The following NXPE4 variants were observed in gnomAD, a reference collection of about 807,000 sequenced individuals.
The protein encoded by NXPE4 is neurexophilin and PC-esterase domain family member 4, also known as NXPE family member 4.
In NXPE4, 42 loss-of-function variants were observed where a neutral mutation model predicts 33.3. That is an observed-to-expected ratio of 1.26 (90% CI 0.98 to 1.63). The LOEUF (loss-of-function observed/expected upper bound fraction) is 1.63. NXPE4 is among the 40% of genes most tolerant of loss of function. The pLI, the probability that NXPE4 is intolerant of heterozygous loss-of-function variation, is 0.00. For synonymous variants in NXPE4, 253 were observed against 234.9 expected, an observed-to-expected ratio of 1.08 and a Z score of -0.71; for missense variants, 709 against 647.6, an observed-to-expected ratio of 1.09 and a Z score of -1.03.
At chr11:114,659,444 G>GA in the NXPE4 span, among the ~76,000 whole-genome samples, 2 of 148,394 alleles carry the variant, frequency 1.3e-5, no homozygotes, top group African/African-American at 4.9e-5. Flanking sequence ...AAAAAAAAGA[G>GA]AAAAAAAGAG....
At chr11:114,604,861 C>G in the NXPE4 span, among the ~76,000 whole-genome samples, 5 of 149,404 alleles carry the variant, frequency 3.3e-5, no homozygotes, top group African/African-American at 1.2e-4. Context: ...CTGTTACCTG[C>G]TGGATAATAA....
At chr11:114,618,934 C>T in the NXPE4 span, among the ~76,000 whole-genome samples, 1 of 151,936 alleles carries the variant, frequency 6.6e-6, no homozygotes, top group African/African-American at 2.4e-5. Context: ...TCACTGCTAC[C>T]CACTGGATAA....
At chr11:114,648,192 G>A in the NXPE4 span, among the ~76,000 whole-genome samples, 4 of 152,152 alleles carry the variant, frequency 2.6e-5, no homozygotes, top group African/African-American at 9.6e-5. Flanking sequence ...TGCTAGTGAA[G>A]TGATTCAGGG....
chr11:114,648,120 C>G, the NXPE4 span, among the ~76,000 whole-genome samples: 5 of 152,094 alleles, frequency 3.3e-5, no homozygotes, highest in Non-Finnish European at 7.3e-5. Flanking sequence ...CTTAGAATCT[C>G]CTAATGATAG....
the NXPE4 span, among the ~76,000 whole-genome samples, chr11:114,619,212 G>A: frequency 1.3e-5 from 2 of 151,880 alleles, no homozygotes; most frequent in South Asian, 4.1e-4. Flanking sequence ...ATTGCCTCTA[G>A]GGTAACCACT....
the NXPE4 span, among the ~76,000 whole-genome samples, chr11:114,602,812 A>G: frequency 0.19 from 26,030 of 139,758 alleles, 2,657 homozygotes; most frequent in South Asian, 0.24. Flanking sequence ...TAATTACAGA[A>G]TCATATATAA....
chr11:114,613,053 G>T, the NXPE4 span, among the ~76,000 whole-genome samples: 11 of 151,902 alleles, frequency 7.2e-5, no homozygotes, highest in African/African-American at 2.7e-4. Flanking sequence ...AATACTTGTT[G>T]CCTTGAGGGT....
chr11:114,638,465 C>A, the NXPE4 span, among the ~76,000 whole-genome samples: 1 of 152,056 alleles, frequency 6.6e-6, no homozygotes, highest in African/African-American at 2.4e-5. Flanking sequence ...TCTCTCAACT[C>A]ATCAAAGTCA....
At chr11:114,629,040 A>T in the NXPE4 span, among the ~76,000 whole-genome samples, 1 of 152,130 alleles carries the variant, frequency 6.6e-6, no homozygotes, top group South Asian at 2.1e-4. Context: ...ATAGCTTACC[A>T]ATGAAAAAGA....
At chr11:114,656,353 C>A in the NXPE4 span, among the ~76,000 whole-genome samples, 1 of 152,066 alleles carries the variant, frequency 6.6e-6, no homozygotes, top group African/African-American at 2.4e-5. Flanking sequence ...GACCATACTG[C>A]CCAAAGTAAT....
chr11:114,634,480 T>C, the NXPE4 span, among the ~76,000 whole-genome samples: 12 of 152,118 alleles, frequency 7.9e-5, no homozygotes, highest in African/African-American at 2.9e-4. Flanking sequence ...AGATCCCACT[T>C]GTCAATTTTG....
chr11:114,615,855 G>T, the NXPE4 span, among the ~76,000 whole-genome samples: 1 of 151,338 alleles, frequency 6.6e-6, no homozygotes, highest in Non-Finnish European at 1.5e-5. Context: ...GAGATGCCTC[G>T]TGTGTAAGCA....
At chr11:114,658,961 A>G in the NXPE4 span, among the ~76,000 whole-genome samples, 1 of 152,292 alleles carries the variant, frequency 6.6e-6, no homozygotes, top group South Asian at 2.1e-4. Flanking sequence ...TTTCTGGGAC[A>G]TTGACACACA....
At chr11:114,597,658 A>G (rs1342924293), upstream of NXPE4, among the ~76,000 whole-genome samples, 1 of 151,994 alleles carries the variant, frequency 6.6e-6, no homozygotes, top group African/African-American at 2.4e-5. Flanking sequence ...TTCTTGGAGA[A>G]GTGGCTGGTT....
the NXPE4 span, among the ~76,000 whole-genome samples, chr11:114,631,272 C>A: frequency 2.6e-5 from 4 of 151,808 alleles, no homozygotes; most frequent in African/African-American, 9.7e-5. Flanking sequence ...TGGAACCAAC[C>A]AAAATGTCCA....
chr11:114,639,721 T>A, the NXPE4 span, among the ~76,000 whole-genome samples: 6 of 127,802 alleles, frequency 4.7e-5, no homozygotes, highest in South Asian at 1.2e-3. Flanking sequence ...ATATATAATA[T>A]AGTAATATAA....
chr11:114,616,126 C>T, the NXPE4 span, among the ~76,000 whole-genome samples: 18 of 150,942 alleles, frequency 1.2e-4, no homozygotes, highest in South Asian at 2.1e-4. Context: ...CACTGTTATC[C>T]GGTGGATAAT....
chr11:114,607,729 T>A, the NXPE4 span, among the ~76,000 whole-genome samples: 1 of 152,016 alleles, frequency 6.6e-6, no homozygotes, highest in Non-Finnish European at 1.5e-5. Flanking sequence ...GCCTCGTGGG[T>A]AACCACAGTT....
chr11:114,593,556 A>G (rs957076502), intron 2 of NXPE4, among the ~76,000 whole-genome samples: 8 of 152,158 alleles, frequency 5.3e-5, no homozygotes, highest in African/African-American at 1.9e-4. Flanking sequence ...AGAAAAGGGA[A>G]CACTTGTACA....
Sources: gnomAD v4.1 joint callset for allele counts (sites outside exome capture counted in the v4.1 genomes callset) on GRCh38, gnomAD v4.1.1 for gene constraint, MANE v1.5 for transcripts, NCBI Gene and HGNC (gene_info 2026-07-23, HGNC 2026-07-21) for gene names.